The following ELAPOR1 variants were observed in gnomAD, a reference collection of about 807,000 sequenced individuals.
ELAPOR1 encodes endosome/lysosome-associated apoptosis and autophagy regulator 1.
ELAPOR1 carries 77 observed loss-of-function variants against 119.7 expected under a neutral mutation model. The observed-to-expected ratio is 0.64, with a 90% CI of 0.54 to 0.78. ELAPOR1 has a LOEUF of 0.78. ELAPOR1 is among the 30% of genes least tolerant of loss of function. The pLI is 0.00. For missense variants in ELAPOR1, 1,115 were observed against 1,270.4 expected, an observed-to-expected ratio of 0.88 and a Z score of 1.86; for synonymous variants, 481 against 487.2, an observed-to-expected ratio of 0.99 and a Z score of 0.17.
intron 17 of ELAPOR1, 145 bp from the exon 18 acceptor site, chr1:109,198,428 G>A: frequency 4.5e-6 from 3 of 673,986 alleles, no homozygotes; most frequent in Non-Finnish European, 7.6e-6. Context: ...ATAAACCAAG[G>A]CCTGTGCACT....
At chr1:109,188,583 CT>C (rs1315668049) in intron 9 of ELAPOR1, among the ~76,000 whole-genome samples, 3 of 152,176 alleles carry the variant, frequency 2.0e-5, no homozygotes, top group South Asian at 2.1e-4. Context: ...CTTGCTCCAA[CT>C]GCAAATGTGA....
chr1:109,158,958 T>C (rs1431777904), intron 1 of ELAPOR1, among the ~76,000 whole-genome samples: 2 of 151,324 alleles, frequency 1.3e-5, no homozygotes, highest in African/African-American at 4.9e-5. Context: ...AGTGGCGTGA[T>C]CTTGGCTCAC....
At position 109,197,558 on chromosome 1, in the gene ELAPOR1, G is replaced by A. The variant is rs769161807; in HGVS notation, c.2206G>A (p.Ala736Thr). 6.2e-7 allele frequency: 1 copy of A among 1,614,192 alleles called. No homozygotes were observed. Among genetic ancestry groups the A allele is most frequent in the Admixed American group, 1.7e-5 (1 of 60,028 alleles). The change falls in exon 16 of 22, where the codon GCC (alanine) becomes ACC (threonine). Residue 736 changes from alanine to threonine, a missense_variant. Coordinates refer to ENST00000369939, the MANE Select transcript of ELAPOR1 (RefSeq NM_020775.5). ...GESGFSKSIT[A>T]YVCQAVIIPP... Reference sequence around the variant, plus strand: ...GTCAGGGTTCTCCAAATCTATCACAGCCTACGTCTGCCAGGCAGTCATCAT... The same window carrying A: ...GTCAGGGTTCTCCAAATCTATCACAACCTACGTCTGCCAGGCAGTCATCAT...
At chr1:109,187,675 G>A in intron 8 of ELAPOR1, 1 of 972,162 alleles carries the variant, frequency 1.0e-6, no homozygotes, top group Non-Finnish European at 1.2e-6. Flanking sequence ...CACCAGGTCT[G>A]GCACATAGAT....
intron 13 of ELAPOR1, among the ~76,000 whole-genome samples, chr1:109,192,222 A>C (rs1011062852): frequency 6.6e-5 from 10 of 152,250 alleles, no homozygotes; most frequent in African/African-American, 4.8e-5. Context: ...AACAAAAATA[A>C]GAAATAAAAT....
At chr1:109,118,208 C>T (rs1283106506) in intron 1 of ELAPOR1, among the ~76,000 whole-genome samples, 3 of 151,990 alleles carry the variant, frequency 2.0e-5, no homozygotes, top group African/African-American at 7.2e-5. Context: ...TGATAATCAG[C>T]AGCATTTCAG....
intron 7 of ELAPOR1, among the ~76,000 whole-genome samples, chr1:109,180,435 A>C (rs1652622915): frequency 1.3e-5 from 2 of 152,014 alleles, no homozygotes; most frequent in African/African-American, 2.4e-5. Flanking sequence ...CAAGCCCAGG[A>C]GTTAGAAGCT....
intron 1 of ELAPOR1, among the ~76,000 whole-genome samples, chr1:109,155,595 A>G (rs1650831019): frequency 1.3e-5 from 2 of 152,304 alleles, no homozygotes; most frequent in South Asian, 2.1e-4. Flanking sequence ...AATAAAAAAT[A>G]AAATATATTC....
intron 7 of ELAPOR1, among the ~76,000 whole-genome samples, chr1:109,181,393 C>T (rs1652689155): frequency 6.6e-6 from 1 of 152,132 alleles, no homozygotes; most frequent in Non-Finnish European, 1.5e-5. Flanking sequence ...CACAGAGGCC[C>T]ATCTTCCAAA....
At chr1:109,122,947 G>A (rs1241329201) in intron 1 of ELAPOR1, among the ~76,000 whole-genome samples, 1 of 152,124 alleles carries the variant, frequency 6.6e-6, no homozygotes, top group African/African-American at 2.4e-5. Context: ...AAAAAAGGTA[G>A]GGGGATCTGT....
chr1:109,159,470 C>T (rs147305729), intron 1 of ELAPOR1, among the ~76,000 whole-genome samples: 6 of 152,308 alleles, frequency 3.9e-5, no homozygotes, highest in Admixed American at 3.3e-4. Context: ...CTGAGATGAT[C>T]TTCGAACAGA....
chr1:109,144,061 A>ATATATATTTTTTTTTT, intron 1 of ELAPOR1, among the ~76,000 whole-genome samples: 16 of 88,988 alleles, frequency 1.8e-4, no homozygotes, highest in South Asian at 3.5e-4. Context: ...ATATTTATAT[A>ATATATATTTTTTTTTT]TTTTTTTTTT....
At chr1:109,179,204 C>T (rs1652544246) in intron 7 of ELAPOR1, among the ~76,000 whole-genome samples, 1 of 151,630 alleles carries the variant, frequency 6.6e-6, no homozygotes, top group Non-Finnish European at 1.5e-5. Flanking sequence ...AGTTTGAGAC[C>T]AGCCTGGGCA....
chr1:109,203,067 T>G lies in ELAPOR1; in HGVS notation c.*55T>G. 2.4e-6 allele frequency: 3 copies of G among 1,258,224 alleles called. No individual in the cohort carries two copies. Among genetic ancestry groups the G allele is most frequent in the Non-Finnish European group, 3.4e-6 (3 of 871,374 alleles). 77.9% of individuals were successfully genotyped at this position (1,258,224 alleles called of 1,614,324 possible). A position where few individuals can be genotyped will look rare whatever the true frequency, so the allele number is the denominator to read the frequency against. On this transcript the variant is annotated 3_prime_UTR_variant, in exon 22 of 22. Coordinates refer to ENST00000369939, the MANE Select transcript of ELAPOR1 (RefSeq NM_020775.5). ...ACCTTGCATAGCACCTTTGCAAGCCTGCGGCGATTTGGGTGCCAGCATCCT... is the reference window on the plus strand; with the variant it reads ...ACCTTGCATAGCACCTTTGCAAGCCGGCGGCGATTTGGGTGCCAGCATCCT...
chr1:109,160,450 T>C (rs1214673619), intron 1 of ELAPOR1, among the ~76,000 whole-genome samples: 2 of 152,184 alleles, frequency 1.3e-5, no homozygotes, highest in African/African-American at 4.8e-5. Context: ...AATTCTTCCT[T>C]ACTGTGTCAA....
intron 8 of ELAPOR1, chr1:109,187,164 G>C: frequency 1.0e-6 from 1 of 985,448 alleles, no homozygotes; most frequent in Non-Finnish European, 1.2e-6. Context: ...TGCCTCAGTT[G>C]TTTCTCAGGG....
chr1:109,127,328 C>CA (rs1170692863), intron 1 of ELAPOR1, among the ~76,000 whole-genome samples: 1,641 of 151,328 alleles, frequency 0.011, 29 homozygotes, highest in African/African-American at 0.038. Flanking sequence ...GATTCCCCTG[C>CA]CTCAGCCTCC....
rs778463346 is a variant in ELAPOR1 at position 109,197,457 on chromosome 1, C to T, written c.2122-17C>T. The T allele has an allele frequency of 1.9e-6, 3 of 1,609,924 alleles. No individual in the cohort carries two copies. Among genetic ancestry groups the T allele is most frequent in the South Asian group, 2.2e-5 (2 of 90,884 alleles). On this transcript the variant is annotated splice_polypyrimidine_tract_variant and intron_variant, in intron 15 of 21. Transcript: ENST00000369939. Reference sequence around the variant, plus strand: ...CACTCACTTCTTCCTACTTCTTCCTCCCCACTCCCCAACCAGGGTAGGAAA... The same window carrying T: ...CACTCACTTCTTCCTACTTCTTCCTTCCCACTCCCCAACCAGGGTAGGAAA...
chr1:109,161,807 T>C, intron 1 of ELAPOR1, 87 bp from the exon 2 acceptor site: 12 of 1,473,768 alleles, frequency 8.1e-6, no homozygotes, highest in Non-Finnish European at 1.1e-5. Flanking sequence ...TGAGCATCAG[T>C]AGCCATGGTG....
Sources: allele counts gnomAD v4.1 joint callset (sites outside exome capture counted in the v4.1 genomes callset), GRCh38; gene constraint gnomAD v4.1.1; transcripts MANE v1.5; gene names NCBI Gene and HGNC (gene_info 2026-07-23, HGNC 2026-07-21).